ATP13A2: variants seen among roughly 807,000 people sequenced by gnomAD.
ATP13A2 encodes the protein ATPase cation transporting 13A2.
ATP13A2 carries 83 observed loss-of-function variants against 138.3 expected under a neutral mutation model. The ratio of observed to expected loss-of-function variants is 0.60; its 90% CI spans 0.50 to 0.72. The LOEUF (loss-of-function observed/expected upper bound fraction) is 0.72. Among genes scored for constraint, ATP13A2 ranks in the 30% least tolerant of loss-of-function variants. The pLI, the probability that ATP13A2 is intolerant of heterozygous loss-of-function variation, is 0.00. For synonymous variants in ATP13A2, 663 were observed against 699.0 expected, an observed-to-expected ratio of 0.95 and a Z score of 0.81; for missense variants, 1,402 against 1,606.4, an observed-to-expected ratio of 0.87 and a Z score of 2.17.
chr1:17,003,558 A>T (rs1419110328), intron 6 of ATP13A2, among the ~76,000 whole-genome samples: 1 of 149,178 alleles, frequency 6.7e-6, no homozygotes, highest in Admixed American at 6.8e-5. Flanking sequence ...ACTCCATCTT[A>T]AAAAACAAAC....
chr1:16,988,119 G>A lies in ATP13A2; in HGVS notation c.2859+19C>T. 6.2e-7 allele frequency: 1 copy of A among 1,608,790 alleles called. No homozygotes were observed. On this transcript the variant is annotated intron_variant, in intron 25 of 28. Coordinates refer to ENST00000326735, the MANE Select transcript of ATP13A2 (RefSeq NM_022089.4). ...TAGTCCTGGGACGGCTCTGGGTACGGAGCTCTGCAGATACTCACCGTGTAG... is the reference window on the plus strand; with the variant it reads ...TAGTCCTGGGACGGCTCTGGGTACGAAGCTCTGCAGATACTCACCGTGTAG...
At position 16,987,188 on chromosome 1, in the gene ATP13A2, T is replaced by C; in HGVS notation, c.2941A>G (p.Thr981Ala). 6.2e-7 allele frequency: 1 copy of C among 1,613,616 alleles called. No individual in the cohort carries two copies. Among genetic ancestry groups the C allele is most frequent in the Non-Finnish European group, 8.5e-7 (1 of 1,179,814 alleles). The change falls in exon 26 of 29, where the codon ACG (threonine) becomes GCG (alanine). Residue 981 changes from threonine to alanine, a missense_variant. Coordinates refer to ENST00000326735, the MANE Select transcript of ATP13A2 (RefSeq NM_022089.4). ...CGTCCCAGGACCAGCGCTGGCCCCG[T>C]GCGGCTCATGAGCACTGCCACTGTG... ...TTTVAVLMSR[T>A]GPALVLGRVR...
intron 1 of ATP13A2, among the ~76,000 whole-genome samples, chr1:17,008,105 G>A (rs1297401648): frequency 1.3e-5 from 2 of 152,290 alleles, no homozygotes; most frequent in Admixed American, 1.3e-4. Context: ...AAAGTGCTGG[G>A]ATTACAGGCG....
At chr1:16,999,919 A>G in intron 11 of ATP13A2, 92 bp downstream of exon 11, 2 of 1,456,014 alleles carry the variant, frequency 1.4e-6, no homozygotes, top group Non-Finnish European at 1.8e-6. Context: ...ACAAAAAAGG[A>G]AAAGGAAACT....
chr1:16,989,465 CCACT>C (rs2076846820), intron 23 of ATP13A2, among the ~76,000 whole-genome samples: 2 of 152,226 alleles, frequency 1.3e-5, no homozygotes, highest in African/African-American at 2.4e-5. Flanking sequence ...CCCACCTCGG[CCACT>C]CAAAGAGGTG....
chr1:16,997,207 A>G, intron 11 of ATP13A2, 32 bp from the exon 12 acceptor site: 12 of 1,612,744 alleles, frequency 7.4e-6, no homozygotes, highest in Non-Finnish European at 1.0e-5. Context: ...GGACCACTCC[A>G]CACCCCTCCC....
Position 16,987,213 on chromosome 1 carries a change from G to T in ATP13A2, c.2916C>A (p.Thr972=). Residue 972 remains threonine (T), a synonymous_variant, in exon 26 of 29, where the codon ACC becomes ACA. Coordinates refer to ENST00000326735, the MANE Select transcript of ATP13A2 (RefSeq NM_022089.4). ...QFLAIDLVIT[T]TVAVLMSRTG... ...TGCGGCTCATGAGCACTGCCACTGTGGTGGTGATGACCAGGTCGATGGCCA... is the reference window on the plus strand; with the variant it reads ...TGCGGCTCATGAGCACTGCCACTGTTGTGGTGATGACCAGGTCGATGGCCA... 6.2e-7 allele frequency: 1 copy of T among 1,613,876 alleles called. No individual in the cohort carries two copies. Among genetic ancestry groups the T allele is most frequent in the Non-Finnish European group, 8.5e-7 (1 of 1,179,854 alleles).
At position 16,986,912 on chromosome 1, in the gene ATP13A2, G is replaced by C; in HGVS notation, c.3128C>G (p.Pro1043Arg). 4 of 1,614,098 alleles carry C rather than the reference G, an allele frequency of 2.5e-6. No individual in the cohort carries two copies. The highest frequency in any genetic ancestry group is 3.4e-6 in the Non-Finnish European group (4 of 1,180,010). Residue 1043 changes from proline (P) to arginine (R), a missense_variant, in exon 27 of 29, where the codon CCC (proline) becomes CGC (arginine). Coordinates refer to ENST00000326735, the MANE Select transcript of ATP13A2 (RefSeq NM_022089.4). This position sits in a 1 kb window ranked among gnomAD's most constrained non-coding sequence, Gnocchi z 6.9. ...NRTVAAPDNL[P>R]NYENTVVFSL... The stretch of plus-strand genomic sequence containing the variant: ...GAAGACCACGGTGTTCTCGTAGTTG[G>C]GCAGGTTGTCTGGTGCGGCCACTGT...
intron 8 of ATP13A2, 158 bp from the exon 9 acceptor site, chr1:17,000,692 A>C: frequency 1.1e-6 from 1 of 938,884 alleles, no homozygotes; most frequent in Non-Finnish European, 1.6e-6. Flanking sequence ...ACCCAACCAG[A>C]CATCCCCAGG....
At position 16,986,886 on chromosome 1, in the gene ATP13A2, A is replaced by G; in HGVS notation, c.3154T>C (p.Ser1052Pro). The change falls in exon 27 of 29, where the codon TCT (serine) becomes CCT (proline). Residue 1052 changes from serine (S) to proline (P), a missense_variant. Ser to Pro is a moderately conservative substitution (Grantham distance 74, BLOSUM62 -1). Transcript: ENST00000326735. This position sits in a 1 kb window ranked among gnomAD's most constrained non-coding sequence, Gnocchi z 6.9. ...ATGAGGTACTGGAAGCTGGACAGAGAGAAGACCACGGTGTTCTCGTAGTTG... is the reference window on the plus strand; with the variant it reads ...ATGAGGTACTGGAAGCTGGACAGAGGGAAGACCACGGTGTTCTCGTAGTTG... ...LPNYENTVVF[S>P]LSSFQYLILA... is the part of the protein sequence containing the mutation. 1 of 1,614,040 alleles carries G rather than the reference A, an allele frequency of 6.2e-7. No individual in the cohort carries two copies. The highest frequency in any genetic ancestry group is 8.5e-7 in the Non-Finnish European group (1 of 1,179,998).
chr1:16,997,085 C>T lies in ATP13A2; in HGVS notation c.1130G>A (p.Gly377Glu). The T allele has an allele frequency of 6.2e-7, 1 of 1,613,606 alleles. No homozygotes were observed. Among genetic ancestry groups the T allele is most frequent in the Middle Eastern group, 1.7e-4 (1 of 5,856 alleles). The part of the protein sequence containing the change: ...ETHRRHTLFC[G>E]TLILQARAYV... Reference sequence around the variant, plus strand: ...GGCCCGGGCCTGCAAGATGAGGGTCCCGCAGAAGAGTGTGTGCCGCCGGTG... The same window carrying T: ...GGCCCGGGCCTGCAAGATGAGGGTCTCGCAGAAGAGTGTGTGCCGCCGGTG... The change falls in exon 12 of 29, where the codon GGG becomes GAG. Residue 377 changes from glycine to glutamate, a missense_variant. Coordinates refer to ENST00000326735, the MANE Select transcript of ATP13A2 (RefSeq NM_022089.4).
At chr1:16,991,957 G>A in intron 19 of ATP13A2, 52 bp downstream of exon 19, 1 of 1,609,090 alleles carries the variant, frequency 6.2e-7, no homozygotes, top group Non-Finnish European at 8.5e-7. Context: ...GCCTGCGTGA[G>A]AGCCTCCCTC....
At position 16,992,175 on chromosome 1, in the gene ATP13A2, G is replaced by T. The variant is rs780158155; in HGVS notation, c.2006-46C>A. The stretch of plus-strand genomic sequence containing the variant: ...TCACAAGGAGGGGATGGCAGGGACA[G>T]AGGCTGGGTACCCACCCCATTCTGT... On this transcript the variant is annotated intron_variant, in intron 18 of 28. Coordinates refer to ENST00000326735, the MANE Select transcript of ATP13A2 (RefSeq NM_022089.4). 1.9e-6 allele frequency: 3 copies of T among 1,611,618 alleles called. No individual in the cohort carries two copies. The South Asian group carries it at 3.3e-5, about 18-fold the overall frequency.
Position 16,995,714 on chromosome 1 carries a change from G to A in ATP13A2, c.1542+262C>T. The A allele has an allele frequency of 1.5e-5, 8 of 550,058 alleles. No individual in the cohort carries two copies. Among genetic ancestry groups the A allele is most frequent in the Non-Finnish European group, 2.4e-5 (7 of 297,778 alleles). 34.1% of individuals were successfully genotyped at this position (550,058 alleles called of 1,614,324 possible). On this transcript the variant is annotated intron_variant, in intron 15 of 28. Transcript: ENST00000326735. The surrounding 1 kb of genome is among the most constrained non-coding windows in gnomAD (Gnocchi z 4.1). ...ATCTGCCTCAGCCTCCCAAAGTGCT[G>A]GGATTACAGACGTGAGCCACCGCGC...
chr1:16,986,763 C>T lies in ATP13A2; in HGVS notation c.3235+42G>A. ...CCTCCCCAGCACCCCAGGGCTCCTC[C>T]CTCCCTCCGCCAGCATCTCCCGCCC... is the stretch of plus-strand genomic sequence containing the variant. On this transcript the variant is annotated intron_variant, in intron 27 of 28. Coordinates refer to ENST00000326735, the MANE Select transcript of ATP13A2 (RefSeq NM_022089.4). This position sits in a 1 kb window ranked among gnomAD's most constrained non-coding sequence, Gnocchi z 6.9. 1 of 1,584,590 alleles carries T rather than the reference C, an allele frequency of 6.3e-7. No homozygotes were observed. The highest frequency in any genetic ancestry group is 8.6e-7 in the Non-Finnish European group (1 of 1,166,878).
rs1224824118 is a variant in ATP13A2 at position 17,004,219 on chromosome 1, C to G, written c.557+113G>C. On this transcript the variant is annotated intron_variant, in intron 6 of 28. Transcript: ENST00000326735. This position sits in a 1 kb window ranked among gnomAD's most constrained non-coding sequence, Gnocchi z 4.1. ...TCAGTAACCTGCCCAAGGTTTCAGA[C>G]AGCAAAAGCATCAGAGCTGAGAGGG... 2.6e-5 allele frequency: 30 copies of G among 1,147,234 alleles called. No homozygotes were observed. The highest frequency in any genetic ancestry group is 1.9e-5 in the Non-Finnish European group (15 of 780,192). 71.1% of individuals were successfully genotyped at this position (1,147,234 alleles called of 1,614,324 possible).
intron 1 of ATP13A2, among the ~76,000 whole-genome samples, chr1:17,006,724 G>C (rs149471561): frequency 1.8e-3 from 272 of 152,218 alleles, no homozygotes; most frequent in African/African-American, 6.3e-3. Context: ...CACCCTGAGG[G>C]CAGGGGTCAG....
At chr1:16,996,908 C>T (rs577338530) in intron 12 of ATP13A2, 112 bp downstream of exon 12, 2 of 1,351,908 alleles carry the variant, frequency 1.5e-6, no homozygotes, top group Non-Finnish European at 2.1e-6. Context: ...AGCAGGGCAG[C>T]AGCAGAGGTG....
Position 16,986,381 on chromosome 1 carries a change from CAG to C in ATP13A2, c.3406-25_3406-24del, listed in dbSNP as rs1164527959. ...GCTCTGCAAAGGGCAGGGAGGGTGT[CAG>C]GGGCAGCCGGGGCTGAGCTGGGGTC... is the stretch of plus-strand genomic sequence containing the variant. On this transcript the variant is annotated intron_variant, in intron 28 of 28. Transcript: ENST00000326735. This position sits in a 1 kb window ranked among gnomAD's most constrained non-coding sequence, Gnocchi z 6.9. The C allele has an allele frequency of 1.3e-6, 2 of 1,588,780 alleles. No homozygotes were observed. Among genetic ancestry groups the C allele is most frequent in the Non-Finnish European group, 1.7e-6 (2 of 1,170,728 alleles).
Sources: gnomAD v4.1 joint callset for allele counts (sites outside exome capture counted in the v4.1 genomes callset) on GRCh38, gnomAD v4.1.1 for gene constraint, Gnocchi (gnomAD v3.1) non-coding constraint, MANE v1.5 for transcripts, NCBI Gene and HGNC (gene_info 2026-07-23, HGNC 2026-07-21) for gene names.